ZSWIM6: variants seen among roughly 807,000 people sequenced by gnomAD.
ZSWIM6 encodes the protein zinc finger SWIM-type containing 6, also known as zinc finger SWIM domain-containing protein 6.
ZSWIM6 carries 9 observed loss-of-function variants against 113.2 expected under a neutral mutation model. The ratio of observed to expected loss-of-function variants is 0.08; its 90% confidence interval spans 0.05 to 0.14. ZSWIM6 has a LOEUF of 0.14. Among genes scored for constraint, ZSWIM6 ranks in the 10% least tolerant of loss-of-function variants. The pLI, the probability that ZSWIM6 is intolerant of heterozygous loss-of-function variation, is 1.00. For synonymous variants in ZSWIM6, 611 were observed against 606.5 expected (o/e 1.01, Z -0.11); for missense variants, 1,162 against 1,552.2 (o/e 0.75, Z 4.22).
At chr5:61,339,957 G>A (rs189396394) in intron 1 of ZSWIM6, among the ~76,000 whole-genome samples, 1 of 152,284 alleles carries the variant, frequency 6.6e-6, no homozygotes, top group East Asian at 1.9e-4. Context: ...TTGGAGAAAA[G>A]TGTTACTGAG....
intron 1 of ZSWIM6, among the ~76,000 whole-genome samples, chr5:61,417,573 CAT>C (rs1382015613): frequency 2.0e-5 from 3 of 152,106 alleles, no homozygotes; most frequent in Non-Finnish European, 2.9e-5. Context: ...GAGTCTGAAA[CAT>C]AAATGAAAAG....
intron 7 of ZSWIM6, among the ~76,000 whole-genome samples, chr5:61,526,798 G>A (rs1159452752): frequency 2.6e-5 from 4 of 152,192 alleles, no homozygotes; most frequent in African/African-American, 9.7e-5. Flanking sequence ...GGTGCCTTAG[G>A]CAATCAGTTG....
intron 13 of ZSWIM6, among the ~76,000 whole-genome samples, chr5:61,542,185 A>G (rs1484719896): frequency 6.6e-6 from 1 of 152,238 alleles, no homozygotes; most frequent in Non-Finnish European, 1.5e-5. Context: ...GTGAAGCTCC[A>G]GCTTCTTATT....
chr5:61,384,587 TG>T (rs1433477771), intron 1 of ZSWIM6, among the ~76,000 whole-genome samples: 1 of 152,150 alleles, frequency 6.6e-6, no homozygotes, highest in Non-Finnish European at 1.5e-5. Context: ...TTGGCTTTAG[TG>T]AGATTATTGT....
At chr5:61,409,071 GTTTTTTTT>G (rs745675137) in intron 1 of ZSWIM6, among the ~76,000 whole-genome samples, 1 of 118,700 alleles carries the variant, frequency 8.4e-6, no homozygotes, top group African/African-American at 3.3e-5. Flanking sequence ...GAGGGGAAAG[GTTTTTTTT>G]TTTTTTTTTT....
At chr5:61,402,144 A>T (rs776115291) in intron 1 of ZSWIM6, among the ~76,000 whole-genome samples, 2 of 152,186 alleles carry the variant, frequency 1.3e-5, no homozygotes, top group Non-Finnish European at 2.9e-5. Context: ...GAACATGTAC[A>T]TCCTGAGTTT....
Position 61,373,756 on chromosome 5 carries a change from C to T in ZSWIM6, c.676+40808C>T, listed in dbSNP as rs1343159362. Among the ~76,000 whole-genome samples the T allele has an allele frequency of 2.6e-5, 4 of 152,146 alleles. No individual in the cohort carries two copies. The East Asian group carries it at 7.7e-4, about 29-fold the overall frequency. ...GTCTACAAGGCCCTTCATCATCTGG[C>T]CCCACCTACTTCTTTAATATCATAT... On this transcript the variant is annotated intron_variant, in intron 1 of 13. Coordinates refer to ENST00000252744, the MANE Select transcript of ZSWIM6 (RefSeq NM_020928.2).
At chr5:61,340,394 GACAAATTA>G (rs1195290538) in intron 1 of ZSWIM6, among the ~76,000 whole-genome samples, 3 of 152,128 alleles carry the variant, frequency 2.0e-5, no homozygotes, top group Non-Finnish European at 2.9e-5. Flanking sequence ...CAGAAAAGGA[GACAAATTA>G]ACCCAGGTGT....
At chr5:61,351,248 A>G (rs1184808469) in intron 1 of ZSWIM6, among the ~76,000 whole-genome samples, 1 of 152,194 alleles carries the variant, frequency 6.6e-6, no homozygotes, top group Non-Finnish European at 1.5e-5. Flanking sequence ...TTGGAACTCT[A>G]GAATTTGCCT....
chr5:61,389,612 G>A (rs1473690415), intron 1 of ZSWIM6, among the ~76,000 whole-genome samples: 1 of 149,502 alleles, frequency 6.7e-6, no homozygotes, highest in Non-Finnish European at 1.5e-5. Flanking sequence ...CTGGGAAAGC[G>A]AGAAAGTCTT....
At chr5:61,349,914 C>A (rs1412560442) in intron 1 of ZSWIM6, among the ~76,000 whole-genome samples, 1 of 152,042 alleles carries the variant, frequency 6.6e-6, no homozygotes, top group Non-Finnish European at 1.5e-5. Context: ...GCAAAAAAAA[C>A]ACATAACTTC....
At chr5:61,401,781 C>G (rs1450189621) in intron 1 of ZSWIM6, among the ~76,000 whole-genome samples, 1 of 152,064 alleles carries the variant, frequency 6.6e-6, no homozygotes, top group Admixed American at 6.6e-5. Context: ...CCTATATGAC[C>G]TTTTCTTAAT....
intron 10 of ZSWIM6, among the ~76,000 whole-genome samples, chr5:61,535,829 T>C (rs1749558911): frequency 6.6e-6 from 1 of 152,244 alleles, no homozygotes; most frequent in South Asian, 2.1e-4. Context: ...TCCTTGCTGC[T>C]ATCAGACTCA....
chr5:61,388,674 G>A (rs1485800521), intron 1 of ZSWIM6, among the ~76,000 whole-genome samples: 2 of 152,204 alleles, frequency 1.3e-5, no homozygotes, highest in Non-Finnish European at 2.9e-5. Context: ...CTAATAAATG[G>A]CAGAGCTAGT....
intron 1 of ZSWIM6, among the ~76,000 whole-genome samples, chr5:61,413,338 T>C (rs940751729): frequency 2.0e-5 from 3 of 151,898 alleles, no homozygotes. Flanking sequence ...CATGTCCCTA[T>C]AAAGGACATG....
intron 1 of ZSWIM6, among the ~76,000 whole-genome samples, chr5:61,349,013 A>G (rs1235520599): frequency 6.6e-6 from 1 of 152,186 alleles, no homozygotes; most frequent in East Asian, 1.9e-4. Flanking sequence ...TTAATGAGAA[A>G]TCAGAATATC....
At chr5:61,470,467 A>G (rs1263141790) in intron 1 of ZSWIM6, among the ~76,000 whole-genome samples, 1 of 152,170 alleles carries the variant, frequency 6.6e-6, no homozygotes, top group East Asian at 1.9e-4. Flanking sequence ...TTTATAGTAC[A>G]TCTGCATATA....
intron 1 of ZSWIM6, among the ~76,000 whole-genome samples, chr5:61,418,574 A>G (rs1746299064): frequency 6.6e-6 from 1 of 152,046 alleles, no homozygotes; most frequent in Admixed American, 6.6e-5. Flanking sequence ...TATGATTTTT[A>G]TTTAAATGAA....
intron 1 of ZSWIM6, among the ~76,000 whole-genome samples, chr5:61,399,231 GT>G (rs35540556): frequency 0.017 from 2,003 of 117,976 alleles, 23 homozygotes; most frequent in South Asian, 0.045. Flanking sequence ...GGCTGTGTAT[GT>G]TTTTTTTTTT....
Sources: allele counts gnomAD v4.1 joint callset (sites outside exome capture counted in the v4.1 genomes callset), GRCh38; gene constraint gnomAD v4.1.1; transcripts MANE v1.5; gene names NCBI Gene and HGNC (gene_info 2026-07-23, HGNC 2026-07-21).